RPS6KC1: variants seen among roughly 807,000 people sequenced by gnomAD.
RPS6KC1 encodes the protein ribosomal protein S6 kinase C1, also known as inactive ribosomal protein S6 kinase delta-1.
Under a neutral mutation model 103.8 loss-of-function variants are expected in RPS6KC1, and 54 were observed. That is an observed-to-expected ratio of 0.52 (90% CI 0.42 to 0.65). The LOEUF (loss-of-function observed/expected upper bound fraction) is 0.65. Ranked by LOEUF, RPS6KC1 falls within the 30% of genes least tolerant of loss-of-function variation. The pLI is 0.00. For missense variants in RPS6KC1, 1,151 were observed against 1,253.8 expected, an observed-to-expected ratio of 0.92 and a Z score of 1.24; for synonymous variants, 439 against 438.7, an observed-to-expected ratio of 1.00 and a Z score of -0.01.
chr1:213,638,950 A>G, the RPS6KC1 span, among the ~76,000 whole-genome samples: 1 of 151,996 alleles, frequency 6.6e-6, no homozygotes, highest in Non-Finnish European at 1.5e-5. Flanking sequence ...GGGAAAGCCA[A>G]TATCTTTAGT....
chr1:213,675,762 AG>A, the RPS6KC1 span, among the ~76,000 whole-genome samples: 1 of 152,306 alleles, frequency 6.6e-6, no homozygotes, highest in South Asian at 2.1e-4. Flanking sequence ...CTGTAATCCC[AG>A]CTACTTGGGA....
At chr1:213,739,232 T>C in the RPS6KC1 span, among the ~76,000 whole-genome samples, 1 of 152,208 alleles carries the variant, frequency 6.6e-6, no homozygotes, top group Non-Finnish European at 1.5e-5. Context: ...TATATTTTCA[T>C]TTCCTTATGA....
downstream of RPS6KC1, among the ~76,000 whole-genome samples, chr1:213,276,254 A>G (rs2095112296): frequency 1.3e-5 from 2 of 152,168 alleles, no homozygotes; most frequent in Admixed American, 6.5e-5. Flanking sequence ...CTCAGAGCAT[A>G]TTTATCGGAT....
intron 8 of RPS6KC1, among the ~76,000 whole-genome samples, chr1:213,206,139 G>C (rs941300215): frequency 3.9e-5 from 6 of 152,236 alleles, no homozygotes; most frequent in African/African-American, 1.4e-4. Context: ...TTAAAGCACG[G>C]TTTCCTAACA....
chr1:213,623,889 A>G, the RPS6KC1 span, among the ~76,000 whole-genome samples: 1 of 152,154 alleles, frequency 6.6e-6, no homozygotes, highest in African/African-American at 2.4e-5. Context: ...CCTTCCATCC[A>G]CCTGCCCGAG....
chr1:213,837,179 G>A, the RPS6KC1 span: 1 of 151,930 alleles, frequency 6.6e-6, no homozygotes, highest in South Asian at 2.1e-4. Context: ...GTTCCAACAG[G>A]CCAGTTTTTT....
chr1:213,356,085 T>C, the RPS6KC1 span, among the ~76,000 whole-genome samples: 1 of 152,184 alleles, frequency 6.6e-6, no homozygotes, highest in Non-Finnish European at 1.5e-5. Flanking sequence ...GAGCTGGGGA[T>C]AGAACTCCAA....
the RPS6KC1 span, among the ~76,000 whole-genome samples, chr1:213,500,156 C>G: frequency 3.1e-3 from 475 of 152,302 alleles, 1 homozygote; most frequent in Non-Finnish European, 6.0e-3. Context: ...AACACAAACA[C>G]ATTATATGCT....
At chr1:213,189,882 A>G (rs554126046) in intron 8 of RPS6KC1, among the ~76,000 whole-genome samples, 2 of 152,266 alleles carry the variant, frequency 1.3e-5, no homozygotes, top group South Asian at 4.1e-4. Context: ...TAACTCCCAT[A>G]AATAAGTGAG....
At chr1:213,284,359 AC>A in the RPS6KC1 span, among the ~76,000 whole-genome samples, 6 of 152,130 alleles carry the variant, frequency 3.9e-5, no homozygotes, top group Admixed American at 3.9e-4. Context: ...CTACTAAAGT[AC>A]AAAAAAACCG....
the RPS6KC1 span, among the ~76,000 whole-genome samples, chr1:213,293,671 T>C: frequency 6.6e-6 from 1 of 152,150 alleles, no homozygotes; most frequent in Non-Finnish European, 1.5e-5. Context: ...GATGCTGTCT[T>C]GAAAAGAAAA....
At chr1:213,299,524 C>G in the RPS6KC1 span, among the ~76,000 whole-genome samples, 2 of 141,540 alleles carry the variant, frequency 1.4e-5, no homozygotes, top group African/African-American at 2.6e-5. Flanking sequence ...TGCACTCCAG[C>G]CTGGGCAACA....
intron 8 of RPS6KC1, among the ~76,000 whole-genome samples, chr1:213,196,723 A>G (rs1170968377): frequency 6.6e-6 from 1 of 152,126 alleles, no homozygotes; most frequent in Admixed American, 6.5e-5. Flanking sequence ...TCCCAGCACC[A>G]TTTGTTGACT....
the RPS6KC1 span, among the ~76,000 whole-genome samples, chr1:213,753,223 C>G: frequency 6.6e-6 from 1 of 152,256 alleles, no homozygotes; most frequent in South Asian, 2.1e-4. Context: ...GGGACATAGG[C>G]TATTTTAGTG....
chr1:213,812,103 A>T, the RPS6KC1 span, among the ~76,000 whole-genome samples: 1 of 152,216 alleles, frequency 6.6e-6, no homozygotes, highest in South Asian at 2.1e-4. Context: ...CTAAAGCTTC[A>T]CTTTAACTTT....
the RPS6KC1 span, among the ~76,000 whole-genome samples, chr1:213,537,508 G>A: frequency 1.4e-4 from 22 of 152,298 alleles, no homozygotes; most frequent in East Asian, 4.1e-3. Flanking sequence ...TGTCACAGGT[G>A]TGTTATGAAG....
the RPS6KC1 span, among the ~76,000 whole-genome samples, chr1:213,377,213 TC>T: frequency 6.6e-6 from 1 of 152,208 alleles, no homozygotes; most frequent in African/African-American, 2.4e-5. Context: ...GAGAGCAAAT[TC>T]CTGAATGCGA....
chr1:213,179,671 A>G (rs554749327), intron 8 of RPS6KC1, among the ~76,000 whole-genome samples: 14 of 152,280 alleles, frequency 9.2e-5, no homozygotes, highest in African/African-American at 2.9e-4. Flanking sequence ...TTTGAGTGCT[A>G]TCTATTAACC....
the RPS6KC1 span, among the ~76,000 whole-genome samples, chr1:213,441,386 C>T: frequency 6.6e-6 from 1 of 152,152 alleles, no homozygotes; most frequent in Admixed American, 6.5e-5. Context: ...ATTATATTCT[C>T]TGCTCCTATG....
Sources: gnomAD v4.1 joint callset for allele counts (sites outside exome capture counted in the v4.1 genomes callset) on GRCh38, gnomAD v4.1.1 for gene constraint, MANE v1.5 for transcripts, NCBI Gene and HGNC (gene_info 2026-07-23, HGNC 2026-07-21) for gene names.